The following UNC5D variants were observed in gnomAD, a reference collection of about 807,000 sequenced individuals.
The protein encoded by UNC5D is unc-5 netrin receptor D.
A neutral mutation model predicts 105.4 loss-of-function variants in UNC5D; 39 were observed. The ratio of observed to expected loss-of-function variants is 0.37; its 90% confidence interval spans 0.29 to 0.48. UNC5D has a LOEUF of 0.48. UNC5D is among the 20% of genes least tolerant of loss of function. The pLI, the probability that UNC5D is intolerant of heterozygous loss-of-function variation, is 0.98. For missense variants in UNC5D, 991 were observed against 1,202.4 expected (o/e 0.82, Z 2.60); for synonymous variants, 452 against 450.4 (o/e 1.00, Z -0.04).
chr8:35,286,581 A>G (rs1489910739), intron 1 of UNC5D, among the ~76,000 whole-genome samples: 4 of 152,190 alleles, frequency 2.6e-5, no homozygotes, highest in Non-Finnish European at 5.9e-5. Flanking sequence ...TTACTCATGG[A>G]CACAATATCT....
At position 35,568,115 on chromosome 8, in the gene UNC5D, G is replaced by T; in HGVS notation, c.340G>T (p.Val114Leu). 6.2e-7 allele frequency: 1 copy of T among 1,614,216 alleles called. No homozygotes were observed. The highest frequency in any genetic ancestry group is 8.5e-7 in the Non-Finnish European group (1 of 1,180,022). The change falls in exon 3 of 17, where the codon GTG (valine) becomes TTG (leucine). Residue 114 changes from valine (V) to leucine (L), a missense_variant. Physicochemically the swap from Val to Leu is conservative, Grantham distance 32. Coordinates refer to ENST00000404895, the MANE Select transcript of UNC5D (RefSeq NM_080872.4). Reference protein sequence around the residue: ...DESSGLKVREVFINVTRQQVE... With the variant: ...DESSGLKVRELFINVTRQQVE... ...ACCATCAGGTTTGAAGGTCCGCGAA[G>T]TGTTCATCAATGTTACTAGGCAACA...
At position 35,274,208 on chromosome 8, in the gene UNC5D, T is replaced by C. The variant is rs577520903; in HGVS notation, c.103+38321T>C. Among the ~76,000 whole-genome samples, 171 of 152,236 alleles carry C rather than the reference T, an allele frequency of 1.1e-3. 2 individuals carry two copies. Among genetic ancestry groups the C allele is most frequent in the African/African-American group, 3.9e-3 (162 of 41,532 alleles). ...CAGAATATATAAGTTCCTCCTACTATGGTGTAAAGGCGAGTTTTTAAAGAC... is the reference window on the plus strand; with the variant it reads ...CAGAATATATAAGTTCCTCCTACTACGGTGTAAAGGCGAGTTTTTAAAGAC... On this transcript the variant is annotated intron_variant, in intron 1 of 16. Coordinates refer to ENST00000404895, the MANE Select transcript of UNC5D (RefSeq NM_080872.4).
chr8:35,761,341 C>T (rs1382806789), intron 14 of UNC5D, among the ~76,000 whole-genome samples: 1 of 151,932 alleles, frequency 6.6e-6, no homozygotes, highest in African/African-American at 2.4e-5. Context: ...GATAAAAAAT[C>T]AGATGAAGGA....
intron 3 of UNC5D, among the ~76,000 whole-genome samples, chr8:35,578,940 A>C (rs1393205345): frequency 6.6e-6 from 1 of 152,226 alleles, no homozygotes; most frequent in Non-Finnish European, 1.5e-5. Flanking sequence ...AAGAATTTGC[A>C]GAAATATAGC....
chr8:35,766,586 A>T (rs7005046), intron 14 of UNC5D, among the ~76,000 whole-genome samples: 12,020 of 152,142 alleles, frequency 0.079, 1,294 homozygotes, highest in African/African-American at 0.25. Context: ...TGGGGAATGA[A>T]AATGATAATT....
chr8:35,642,960 C>A (rs2131140837), intron 4 of UNC5D, among the ~76,000 whole-genome samples: 1 of 152,200 alleles, frequency 6.6e-6, no homozygotes, highest in South Asian at 2.1e-4. Context: ...AGTGTTAATG[C>A]CCACGGAGCA....
chr8:35,651,438 C>T (rs1823395807), intron 4 of UNC5D, among the ~76,000 whole-genome samples: 1 of 152,080 alleles, frequency 6.6e-6, no homozygotes. Context: ...GTGAGAGAGG[C>T]CGAGATCAGA....
rs1318338580 is a variant in UNC5D at position 35,524,900 on chromosome 8, T to C, written c.104-24392T>C. 1.5e-4 allele frequency among the ~76,000 whole-genome samples: 21 copies of C among 143,140 alleles called. 1 individual carries two copies. The Admixed American group carries it at 1.5e-3, about 10-fold the overall frequency. 93.9% of individuals were successfully genotyped at this position (143,140 alleles called of 152,430 possible). On this transcript the variant is annotated intron_variant, in intron 1 of 16. Coordinates refer to ENST00000404895, the MANE Select transcript of UNC5D (RefSeq NM_080872.4). ...AGAGTGGGAAAATAATTTTCAAAAA[T>C]AAAATTAACAAGGTGACTGTTCCAG...
rs576564554 is a variant in UNC5D at position 35,568,666 on chromosome 8, G to C, written c.466+425G>C. On this transcript the variant is annotated intron_variant, in intron 3 of 16. Coordinates refer to ENST00000404895, the MANE Select transcript of UNC5D (RefSeq NM_080872.4). The stretch of plus-strand genomic sequence containing the variant: ...ATCGTGCCACTGCACTCCCACCTGG[G>C]TGACAGAACGAGAGAGACTCCATCT... Among the ~76,000 whole-genome samples the C allele has an allele frequency of 1.0e-3, 152 of 152,336 alleles. 2 individuals are homozygous for C. The highest frequency in any genetic ancestry group is 3.1e-3 in the South Asian group (15 of 4,828).
intron 1 of UNC5D, among the ~76,000 whole-genome samples, chr8:35,376,764 G>C (rs965354121): frequency 2.6e-5 from 4 of 152,116 alleles, no homozygotes; most frequent in Admixed American, 2.6e-4. Context: ...ACATGCAGTT[G>C]CTGTCCACAG....
chr8:35,585,150 A>T (rs992544864), intron 3 of UNC5D, among the ~76,000 whole-genome samples: 3 of 152,222 alleles, frequency 2.0e-5, no homozygotes, highest in African/African-American at 7.2e-5. Flanking sequence ...TGAACACAGG[A>T]TAATGATACA....
chr8:35,614,975 C>T (rs1232885526), intron 4 of UNC5D, among the ~76,000 whole-genome samples: 2 of 149,676 alleles, frequency 1.3e-5, no homozygotes, highest in Non-Finnish European at 3.0e-5. Context: ...TTTGAAAGGC[C>T]AAAGCAAGAG....
chr8:35,356,124 A>T (rs1801538606), intron 1 of UNC5D, among the ~76,000 whole-genome samples: 1 of 152,142 alleles, frequency 6.6e-6, no homozygotes, highest in African/African-American at 2.4e-5. Context: ...GTATTTTGTT[A>T]TAGTGGCACA....
At chr8:35,657,045 AGTGTGTGTGT>A (rs3076999) in intron 4 of UNC5D, among the ~76,000 whole-genome samples, 28 of 70,916 alleles carry the variant, frequency 3.9e-4, no homozygotes, top group African/African-American at 1.6e-3. Context: ...AGTGCAGTGG[AGTGTGTGTGT>A]GTGTGTGTGT....
chr8:35,607,473 T>C (rs1364873806), intron 4 of UNC5D, among the ~76,000 whole-genome samples: 7 of 152,266 alleles, frequency 4.6e-5, no homozygotes, highest in Non-Finnish European at 7.4e-5. Context: ...TTATTGGCAA[T>C]CTTTGGTGTC....
chr8:35,257,029 C>G (rs547047850), intron 1 of UNC5D, among the ~76,000 whole-genome samples: 8 of 148,918 alleles, frequency 5.4e-5, no homozygotes, highest in African/African-American at 1.7e-4. Context: ...TGGAGTACTG[C>G]GGCAACGTCT....
chr8:35,540,848 C>T (rs900130723), intron 1 of UNC5D, among the ~76,000 whole-genome samples: 2 of 152,224 alleles, frequency 1.3e-5, no homozygotes, highest in South Asian at 2.1e-4. Flanking sequence ...AATAAGTCAC[C>T]TGTGTTAGTG....
At chr8:35,731,192 A>G in intron 11 of UNC5D, 96 bp downstream of exon 11, 1 of 1,164,214 alleles carries the variant, frequency 8.6e-7, no homozygotes, top group Non-Finnish European at 1.3e-6. Context: ...TGAGGTCAGG[A>G]GTTCGAGACC....
chr8:35,606,057 G>A (rs895848352), intron 4 of UNC5D, among the ~76,000 whole-genome samples: 1 of 150,346 alleles, frequency 6.7e-6, no homozygotes, highest in East Asian at 2.0e-4. Context: ...GTGTGATCTC[G>A]GCTCACTGCA....
Sources: gnomAD v4.1 joint callset for allele counts (sites outside exome capture counted in the v4.1 genomes callset) on GRCh38, gnomAD v4.1.1 for gene constraint, MANE v1.5 for transcripts, NCBI Gene and HGNC (gene_info 2026-07-23, HGNC 2026-07-21) for gene names.